FRMD3: variants seen among roughly 807,000 people sequenced by gnomAD.
FRMD3 encodes the protein FERM domain-containing protein 3.
FRMD3 carries 33 observed loss-of-function variants against 70.2 expected under a neutral mutation model. The observed-to-expected ratio is 0.47, with a 90% CI of 0.36 to 0.63. The LOEUF (loss-of-function observed/expected upper bound fraction) is 0.63, where lower values mean the gene tolerates loss of function less well. Ranked by LOEUF, FRMD3 falls within the 20% of genes least tolerant of loss-of-function variation. The pLI is 0.00. For missense variants in FRMD3, 632 were observed against 711.4 expected (o/e 0.89, Z 1.27); for synonymous variants, 279 against 255.9 (o/e 1.09, Z -0.86).
intron 1 of FRMD3, among the ~76,000 whole-genome samples, chr9:83,458,839 G>A (rs1005520688): frequency 3.9e-5 from 6 of 152,056 alleles, no homozygotes; most frequent in African/African-American, 1.4e-4. Flanking sequence ...AAAGGGACTT[G>A]GTGCAGAAAA....
chr9:83,373,696 G>A (rs1052930186), intron 2 of FRMD3, among the ~76,000 whole-genome samples: 4 of 151,990 alleles, frequency 2.6e-5, no homozygotes, highest in Non-Finnish European at 5.9e-5. Flanking sequence ...CACTAACCAT[G>A]AGGTCCCTGA....
chr9:83,412,250 C>T (rs1826300888), intron 1 of FRMD3, among the ~76,000 whole-genome samples: 1 of 152,214 alleles, frequency 6.6e-6, no homozygotes, highest in Admixed American at 6.5e-5. Flanking sequence ...TGCTGTGTAG[C>T]ATTACCATTG....
intron 1 of FRMD3, among the ~76,000 whole-genome samples, chr9:83,429,823 A>G (rs1826919527): frequency 2.0e-5 from 3 of 152,052 alleles, no homozygotes; most frequent in South Asian, 4.2e-4. Flanking sequence ...CAGGGATCTC[A>G]TTCAGCCCCC....
chr9:83,465,025 GA>G (rs147660924), intron 1 of FRMD3, among the ~76,000 whole-genome samples: 55,597 of 119,304 alleles, frequency 0.47, 10,979 homozygotes, highest in Middle Eastern at 0.55. Flanking sequence ...GTCTCAAAAA[GA>G]AAAAAAAAAA....
chr9:83,387,081 A>C (rs7870557), intron 2 of FRMD3, among the ~76,000 whole-genome samples: 48,625 of 151,762 alleles, frequency 0.32, 7,940 homozygotes, highest in African/African-American at 0.38. Context: ...CCTTTGTAAT[A>C]AAAAAAATGC....
At chr9:83,507,736 A>ATATCTATCTATCTATCTATC (rs1554713918) in intron 1 of FRMD3, among the ~76,000 whole-genome samples, 1 of 88,696 alleles carries the variant, frequency 1.1e-5, no homozygotes, top group Admixed American at 1.3e-4. Context: ...ATATATATAT[A>ATATCTATCTATCTATCTATC]TATCTTCTGG....
rs926104216 is a variant in FRMD3, at chr9:83,298,973, C to T, written c.1001+139G>A. On this transcript the variant is annotated intron_variant, in intron 11 of 13. Transcript: ENST00000304195. ...GTAGAATTTGAGGGTGCCCTGTGAGCATAAGACAGCAATGGAGTAGAAATG... is the reference window on the plus strand; with the variant it reads ...GTAGAATTTGAGGGTGCCCTGTGAGTATAAGACAGCAATGGAGTAGAAATG... The T allele has an allele frequency of 9.6e-6, 9 of 936,458 alleles. No individual in the cohort carries two copies. The African/African-American group carries it at 1.5e-4, about 15-fold the overall frequency. The allele number at this position is 936,458 out of a possible 1,614,324, so 58.0% of individuals were successfully genotyped here.
At chr9:83,295,751 G>C (rs1424379799) in intron 12 of FRMD3, among the ~76,000 whole-genome samples, 1 of 152,168 alleles carries the variant, frequency 6.6e-6, no homozygotes, top group Non-Finnish European at 1.5e-5. Flanking sequence ...TGCCCAGGTG[G>C]CTCACACAAC....
chr9:83,416,921 T>C (rs908694549), intron 1 of FRMD3, among the ~76,000 whole-genome samples: 8 of 152,114 alleles, frequency 5.3e-5, no homozygotes, highest in Admixed American at 2.0e-4. Context: ...TGAGTCCACA[T>C]GCATCCATCT....
At chr9:83,411,771 T>C (rs1044300461) in intron 1 of FRMD3, among the ~76,000 whole-genome samples, 5 of 152,260 alleles carry the variant, frequency 3.3e-5, no homozygotes, top group African/African-American at 1.2e-4. Flanking sequence ...TTTTGAAGTA[T>C]GCAATTTTTC....
intron 3 of FRMD3, among the ~76,000 whole-genome samples, chr9:83,362,216 A>G (rs1824613739): frequency 6.7e-6 from 1 of 148,172 alleles, no homozygotes; most frequent in Admixed American, 6.7e-5. Context: ...TCTCAATCTC[A>G]ATCTCAATTT....
intron 2 of FRMD3, 152 bp from the exon 3 acceptor site, chr9:83,373,107 T>G (rs1173350665): frequency 6.1e-6 from 4 of 660,482 alleles, no homozygotes; most frequent in African/African-American, 5.5e-5. Context: ...CATAAACAAC[T>G]TGGCAATAAT....
intron 1 of FRMD3, among the ~76,000 whole-genome samples, chr9:83,442,702 G>T (rs1367904386): frequency 2.6e-5 from 4 of 151,524 alleles, no homozygotes; most frequent in Non-Finnish European, 5.9e-5. Context: ...ACCACCTCTT[G>T]GGGTAATAGT....
chr9:83,457,225 C>A (rs556417089), intron 1 of FRMD3, among the ~76,000 whole-genome samples: 12 of 152,280 alleles, frequency 7.9e-5, no homozygotes, highest in Admixed American at 5.2e-4. Flanking sequence ...GACGTGTTCT[C>A]ACATACAGAG....
At chr9:83,280,098 A>T (rs918192392) in intron 13 of FRMD3, among the ~76,000 whole-genome samples, 1 of 152,248 alleles carries the variant, frequency 6.6e-6, no homozygotes, top group Non-Finnish European at 1.5e-5. Context: ...CTGGAGAAAG[A>T]ATTATTAAAG....
chr9:83,515,437 A>T (rs1829434438), intron 1 of FRMD3, among the ~76,000 whole-genome samples: 1 of 152,192 alleles, frequency 6.6e-6, no homozygotes, highest in South Asian at 2.1e-4. Flanking sequence ...AATGAAAAGG[A>T]ATGAACAAAG....
intron 1 of FRMD3, among the ~76,000 whole-genome samples, chr9:83,419,547 A>C (rs923321206): frequency 2.1e-5 from 3 of 139,780 alleles, no homozygotes; most frequent in East Asian, 2.5e-4. Context: ...TGAGTGTGTG[A>C]TATGTGTGTG....
chr9:83,349,120 A>C (rs149545944), intron 4 of FRMD3, among the ~76,000 whole-genome samples: 1 of 152,156 alleles, frequency 6.6e-6, no homozygotes. Flanking sequence ...AAGGAAGCCA[A>C]ACCCCCAGAA....
chr9:83,541,469 C>G (rs1039201385), upstream of FRMD3, among the ~76,000 whole-genome samples: 1 of 152,200 alleles, frequency 6.6e-6, no homozygotes, highest in Non-Finnish European at 1.5e-5. Flanking sequence ...TGTATTTCCA[C>G]ATGTGGCCAG....
Sources: allele counts gnomAD v4.1 joint callset (sites outside exome capture counted in the v4.1 genomes callset), GRCh38; gene constraint gnomAD v4.1.1; transcripts MANE v1.5; gene names NCBI Gene and HGNC (gene_info 2026-07-23, HGNC 2026-07-21).